TNFAIP8: variants seen among roughly 807,000 people sequenced by gnomAD.
TNFAIP8 encodes the protein tumor necrosis factor alpha-induced protein 8.
Under a neutral mutation model 13.3 loss-of-function variants are expected in TNFAIP8, and 7 were observed. That is an observed-to-expected ratio of 0.52 (90% CI 0.30 to 0.99). The LOEUF (loss-of-function observed/expected upper bound fraction) is 0.99, where lower values mean the gene tolerates loss of function less well. TNFAIP8 is among the 50% of genes least tolerant of loss of function. The pLI, the probability that TNFAIP8 is intolerant of heterozygous loss-of-function variation, is 0.07. For synonymous variants in TNFAIP8, 94 were observed against 87.6 expected (o/e 1.07, Z -0.41); for missense variants, 258 against 236.9 (o/e 1.09, Z -0.58).
chr5:119,307,646 A>G (rs1027503824), intron 1 of TNFAIP8, among the ~76,000 whole-genome samples: 41 of 152,366 alleles, frequency 2.7e-4, no homozygotes, highest in African/African-American at 9.4e-4. Context: ...GATATGTTGT[A>G]TAATGCAGGT....
At chr5:119,303,955 A>T (rs546305287) in intron 1 of TNFAIP8, among the ~76,000 whole-genome samples, 1 of 152,322 alleles carries the variant, frequency 6.6e-6, no homozygotes, top group East Asian at 1.9e-4. Context: ...AGGTTTTCTC[A>T]GCCTTTTCTC....
At chr5:119,321,226 A>G (rs1294863511) in intron 1 of TNFAIP8, among the ~76,000 whole-genome samples, 1 of 152,142 alleles carries the variant, frequency 6.6e-6, no homozygotes, top group African/African-American at 2.4e-5. Flanking sequence ...CAAAAAAAAG[A>G]CTAGACTTGG....
chr5:119,370,778 A>G (rs1206882983), intron 1 of TNFAIP8, among the ~76,000 whole-genome samples: 1 of 152,244 alleles, frequency 6.6e-6, no homozygotes, highest in Non-Finnish European at 1.5e-5. Context: ...TGCAGTGAGC[A>G]GTAAGTCAGC....
intron 1 of TNFAIP8, among the ~76,000 whole-genome samples, chr5:119,318,982 C>T (rs182056459): frequency 2.6e-5 from 4 of 152,270 alleles, no homozygotes; most frequent in Admixed American, 2.0e-4. Flanking sequence ...CATGAATACT[C>T]CTTCAGTTTT....
intron 1 of TNFAIP8, among the ~76,000 whole-genome samples, chr5:119,376,277 G>T (rs1012234000): frequency 5.9e-5 from 9 of 151,950 alleles, no homozygotes; most frequent in Non-Finnish European, 1.2e-4. Flanking sequence ...ACCACAGCTG[G>T]CTAATTTTTG....
intron 1 of TNFAIP8, among the ~76,000 whole-genome samples, chr5:119,294,509 G>A (rs968712310): frequency 3.3e-5 from 5 of 152,194 alleles, no homozygotes; most frequent in East Asian, 1.9e-4. Flanking sequence ...ATAAACATAC[G>A]TGTGCATGTG....
intron 1 of TNFAIP8, among the ~76,000 whole-genome samples, chr5:119,368,919 G>C (rs1338073477): frequency 6.6e-6 from 1 of 152,000 alleles, no homozygotes; most frequent in African/African-American, 2.4e-5. Context: ...GCTGTACATT[G>C]AGCTTGATAA....
At chr5:119,299,967 G>A (rs6892980) in intron 1 of TNFAIP8, among the ~76,000 whole-genome samples, 7,556 of 152,310 alleles carry the variant, frequency 0.05, 204 homozygotes, top group Middle Eastern at 0.088. Flanking sequence ...TCGGAAAAGC[G>A]CAGTATTAGC....
chr5:119,271,731 T>A (rs1379795921), intron 1 of TNFAIP8, among the ~76,000 whole-genome samples: 1 of 152,174 alleles, frequency 6.6e-6, no homozygotes, highest in Non-Finnish European at 1.5e-5. Flanking sequence ...TTCTCAGGGA[T>A]CTCTGGCTCT....
chr5:119,281,306 A>ACACACACACACTCTCTCTCT, intron 1 of TNFAIP8, among the ~76,000 whole-genome samples: 22 of 114,214 alleles, frequency 1.9e-4, no homozygotes, highest in African/African-American at 5.8e-4. Context: ...ACACACACAC[A>ACACACACACACTCTCTCTCT]CTCTCTCTCT....
At chr5:119,270,373 C>T (rs1208516640) in intron 1 of TNFAIP8, among the ~76,000 whole-genome samples, 1 of 152,194 alleles carries the variant, frequency 6.6e-6, no homozygotes, top group Admixed American at 6.5e-5. Context: ...CACTTAGACA[C>T]GTTTATTGCC....
chr5:119,315,804 C>A (rs975117566), intron 1 of TNFAIP8, among the ~76,000 whole-genome samples: 1 of 152,164 alleles, frequency 6.6e-6, no homozygotes, highest in Non-Finnish European at 1.5e-5. Flanking sequence ...CCACCACCCA[C>A]ACACACAGAA....
intron 1 of TNFAIP8, among the ~76,000 whole-genome samples, chr5:119,384,470 G>A (rs892772662): frequency 5.3e-5 from 8 of 152,004 alleles, no homozygotes; most frequent in Non-Finnish European, 7.4e-5. Context: ...GCAAAAGAGC[G>A]ACACTCCATC....
At position 119,365,524 on chromosome 5, in the gene TNFAIP8, A is replaced by C. The variant is rs189356605; in HGVS notation, c.31+9403A>C. Among the ~76,000 whole-genome samples, 7 of 152,346 alleles carry C rather than the reference A, an allele frequency of 4.6e-5. No individual in the cohort carries two copies. In the East Asian group the frequency reaches 1.3e-3, roughly 29 times the overall value. ...GTACTGTATAAATAAGGAGGCTTATAATCACACCAAAAGACAGAACCCTGC... is the reference window on the plus strand; with the variant it reads ...GTACTGTATAAATAAGGAGGCTTATCATCACACCAAAAGACAGAACCCTGC... On this transcript the variant is annotated intron_variant, in intron 1 of 1. Coordinates refer to ENST00000504771, the MANE Select transcript of TNFAIP8 (RefSeq NM_014350.4).
intron 1 of TNFAIP8, among the ~76,000 whole-genome samples, chr5:119,319,719 A>G (rs1035505888): frequency 6.6e-6 from 1 of 152,190 alleles, no homozygotes; most frequent in African/African-American, 2.4e-5. Flanking sequence ...TTATTCTATT[A>G]TGCTTGACAG....
chr5:119,348,667 G>C (rs1029321342), intron 1 of TNFAIP8, among the ~76,000 whole-genome samples: 2 of 152,008 alleles, frequency 1.3e-5, no homozygotes, highest in South Asian at 4.1e-4. Flanking sequence ...GATCACCTGA[G>C]GTCAGGAGTT....
intron 1 of TNFAIP8, among the ~76,000 whole-genome samples, chr5:119,383,721 G>C (rs1394253296): frequency 2.0e-5 from 3 of 152,234 alleles, no homozygotes; most frequent in African/African-American, 7.2e-5. Flanking sequence ...AAGGGCAAGG[G>C]TTGAGGGTCA....
intron 1 of TNFAIP8, among the ~76,000 whole-genome samples, chr5:119,280,276 A>G (rs1454916077): frequency 6.6e-6 from 1 of 151,418 alleles, no homozygotes; most frequent in Non-Finnish European, 1.5e-5. Flanking sequence ...GCATCTCTTT[A>G]TGGTTTTATT....
At chr5:119,386,708 G>A (rs1340953339) in intron 1 of TNFAIP8, among the ~76,000 whole-genome samples, 1 of 152,184 alleles carries the variant, frequency 6.6e-6, no homozygotes, top group Non-Finnish European at 1.5e-5. Flanking sequence ...TTGGGGGGAT[G>A]TGCATATACC....
Sources: allele counts gnomAD v4.1 joint callset (sites outside exome capture counted in the v4.1 genomes callset), GRCh38; gene constraint gnomAD v4.1.1; transcripts MANE v1.5; gene names NCBI Gene and HGNC (gene_info 2026-07-23, HGNC 2026-07-21).